NECAB1: variants seen among roughly 807,000 people sequenced by gnomAD.
NECAB1 encodes N-terminal EF-hand calcium binding protein 1.
A neutral mutation model predicts 57.5 loss-of-function variants in NECAB1; 29 were observed. That is an observed-to-expected ratio of 0.50 (90% CI 0.38 to 0.69). The LOEUF (loss-of-function observed/expected upper bound fraction) is 0.69. NECAB1 is among the 30% of genes least tolerant of loss of function. The pLI is 0.00. For synonymous variants in NECAB1, 142 were observed against 147.7 expected, an observed-to-expected ratio of 0.96 and a Z score of 0.28; for missense variants, 372 against 413.8, an observed-to-expected ratio of 0.90 and a Z score of 0.88.
At position 90,809,183 on chromosome 8, in the gene NECAB1, C is replaced by A. The variant is rs7831432; in HGVS notation, c.124+7468C>A. Reference sequence around the variant, plus strand: ...GGAGTTGGTGCTTTGCGCCCAGCCACCTGACTTGCCCCTCTAGATGTGTCT... The same window carrying A: ...GGAGTTGGTGCTTTGCGCCCAGCCAACTGACTTGCCCCTCTAGATGTGTCT... On this transcript the variant is annotated intron_variant, in intron 2 of 12. Transcript: ENST00000417640. 5.5e-3 allele frequency among the ~76,000 whole-genome samples: 845 copies of A among 152,318 alleles called. 6 individuals carry two copies. Among genetic ancestry groups the A allele is most frequent in the African/African-American group, 0.019 (792 of 41,562 alleles).
chr8:90,927,433 A>G lies in NECAB1; in HGVS notation c.617-790A>G, dbSNP rs577800465. Among the ~76,000 whole-genome samples the G allele has an allele frequency of 3.3e-5, 5 of 152,206 alleles. No homozygotes were observed. In the East Asian group the frequency reaches 9.6e-4, roughly 29 times the overall value. ...ACATTCTGATTTCAAGAAATATTAA[A>G]CAATACTACTTCAGCAAATGCCTAT... On this transcript the variant is annotated intron_variant, in intron 7 of 12. Transcript: ENST00000417640.
chr8:90,907,868 C>G (rs1451089018), intron 5 of NECAB1, among the ~76,000 whole-genome samples: 5 of 152,070 alleles, frequency 3.3e-5, no homozygotes, highest in Non-Finnish European at 7.4e-5. Context: ...TAGTGAGCCA[C>G]AAGGGAAAAT....
chr8:90,870,643 G>C (rs1320365477), intron 3 of NECAB1, among the ~76,000 whole-genome samples: 1 of 152,118 alleles, frequency 6.6e-6, no homozygotes, highest in African/African-American at 2.4e-5. Context: ...TATATTTCCG[G>C]ACACCTTTTG....
intron 6 of NECAB1, among the ~76,000 whole-genome samples, chr8:90,925,033 C>A (rs561645356): frequency 4.0e-4 from 60 of 151,722 alleles, no homozygotes; most frequent in African/African-American, 1.4e-3. Flanking sequence ...TGAAAGTAAA[C>A]ACCTGCTAAA....
intron 2 of NECAB1, among the ~76,000 whole-genome samples, chr8:90,820,082 G>T (rs1812121057): frequency 1.3e-5 from 2 of 151,834 alleles, no homozygotes; most frequent in African/African-American, 4.8e-5. Flanking sequence ...TACCATTAAA[G>T]GGTCCCTCTC....
chr8:90,933,153 AT>A (rs1226111037), intron 8 of NECAB1, among the ~76,000 whole-genome samples: 2 of 152,226 alleles, frequency 1.3e-5, no homozygotes, highest in African/African-American at 4.8e-5. Context: ...TACAACCACT[AT>A]GGAAAATAGT....
intron 2 of NECAB1, among the ~76,000 whole-genome samples, chr8:90,808,793 G>A (rs1457988236): frequency 2.6e-5 from 4 of 151,670 alleles, no homozygotes; most frequent in Admixed American, 6.6e-5. Flanking sequence ...CTACAGGTGC[G>A]TGCCACCATG....
chr8:90,906,183 A>G (rs1459876569), intron 5 of NECAB1, among the ~76,000 whole-genome samples: 1 of 152,190 alleles, frequency 6.6e-6, no homozygotes, highest in African/African-American at 2.4e-5. Context: ...CTGCCTCAAC[A>G]TACTACCAAT....
chr8:90,954,313 T>C (rs1406439384), intron 12 of NECAB1, among the ~76,000 whole-genome samples: 1 of 152,034 alleles, frequency 6.6e-6, no homozygotes, highest in Non-Finnish European at 1.5e-5. Context: ...CTAAGCCAGA[T>C]TGCATCCAGA....
At chr8:90,942,622 G>A (rs1400199281) in intron 10 of NECAB1, among the ~76,000 whole-genome samples, 2 of 152,134 alleles carry the variant, frequency 1.3e-5, no homozygotes, top group Non-Finnish European at 2.9e-5. Flanking sequence ...AGTGGCTCAC[G>A]CCTATAATCC....
intron 2 of NECAB1, among the ~76,000 whole-genome samples, chr8:90,817,665 C>T (rs1462829543): frequency 2.0e-5 from 3 of 151,632 alleles, no homozygotes; most frequent in Non-Finnish European, 1.5e-5. Context: ...TTAAATTCCA[C>T]TTGATCTTGG....
chr8:90,942,927 C>T (rs1466967997), intron 10 of NECAB1, among the ~76,000 whole-genome samples: 1 of 152,108 alleles, frequency 6.6e-6, no homozygotes. Flanking sequence ...ACACCGTTCA[C>T]AGTGTAAACT....
intron 3 of NECAB1, among the ~76,000 whole-genome samples, chr8:90,839,305 A>G (rs1045358957): frequency 1.6e-4 from 24 of 152,166 alleles, no homozygotes; most frequent in Non-Finnish European, 3.4e-4. Context: ...TCTGAAGTCA[A>G]CCCAAGTCTA....
At chr8:90,894,825 G>C (rs2129979028) in intron 5 of NECAB1, among the ~76,000 whole-genome samples, 1 of 152,268 alleles carries the variant, frequency 6.6e-6, no homozygotes, top group South Asian at 2.1e-4. Context: ...TTGGAATGTT[G>C]ACCCTTCAGA....
chr8:90,936,595 A>T (rs1389250769), intron 9 of NECAB1, among the ~76,000 whole-genome samples: 4 of 152,102 alleles, frequency 2.6e-5, no homozygotes, highest in African/African-American at 9.7e-5. Context: ...CTAGCCTGTA[A>T]AGTAGAATTG....
chr8:90,884,965 T>C (rs901116131), intron 5 of NECAB1, among the ~76,000 whole-genome samples: 3 of 152,136 alleles, frequency 2.0e-5, no homozygotes, highest in Non-Finnish European at 2.9e-5. Context: ...GGTTGCTCAA[T>C]GAAGTAAGGA....
intron 3 of NECAB1, among the ~76,000 whole-genome samples, chr8:90,854,250 T>G (rs1041611844): frequency 3.9e-5 from 6 of 152,198 alleles, no homozygotes; most frequent in African/African-American, 1.4e-4. Flanking sequence ...TGAGGAATCT[T>G]GGTGTTGATC....
intron 5 of NECAB1, among the ~76,000 whole-genome samples, chr8:90,901,038 T>A (rs1339242602): frequency 6.6e-6 from 1 of 152,154 alleles, no homozygotes; most frequent in Non-Finnish European, 1.5e-5. Flanking sequence ...CCTTCAACAT[T>A]AATATTTTTT....
chr8:90,911,528 A>G (rs1311059677), intron 5 of NECAB1, among the ~76,000 whole-genome samples: 1 of 152,190 alleles, frequency 6.6e-6, no homozygotes, highest in African/African-American at 2.4e-5. Flanking sequence ...AACTCTACAT[A>G]TTAAACTTGA....
Sources: gnomAD v4.1 joint callset for allele counts (sites outside exome capture counted in the v4.1 genomes callset) on GRCh38, gnomAD v4.1.1 for gene constraint, MANE v1.5 for transcripts, NCBI Gene and HGNC (gene_info 2026-07-23, HGNC 2026-07-21) for gene names.